MAP3K19: variants seen among roughly 807,000 people sequenced by gnomAD.
MAP3K19 encodes the protein SPS1/STE20-related protein kinase YSK4.
MAP3K19 carries 91 observed loss-of-function variants against 114.4 expected under a neutral mutation model. The ratio of observed to expected loss-of-function variants is 0.80; its 90% CI spans 0.67 to 0.95. The LOEUF (loss-of-function observed/expected upper bound fraction) is 0.95, where lower values mean the gene tolerates loss of function less well. MAP3K19 is among the 40% of genes least tolerant of loss of function. MAP3K19 has a pLI of 0.00. For missense variants in MAP3K19, 1,471 were observed against 1,573.2 expected (o/e 0.94, Z 1.10); for synonymous variants, 518 against 530.5 (o/e 0.98, Z 0.32).
intron 11 of MAP3K19, among the ~76,000 whole-genome samples, chr2:134,982,570 G>C (rs920803274): frequency 6.6e-6 from 1 of 151,660 alleles, no homozygotes; most frequent in Admixed American, 6.6e-5. Flanking sequence ...GTCTAGTCTC[G>C]AACTCCTGAC....
chr2:134,983,760 C>T lies in MAP3K19; in HGVS notation c.3138G>A (p.Lys1046=). Residue 1046 remains lysine (K), a synonymous_variant, in exon 11 of 13, where the codon AAG becomes AAA. Coordinates refer to ENST00000392915, the MANE Select transcript of MAP3K19 (RefSeq NM_025052.5). The part of the protein sequence containing the change: ...EEKFLISNEK[K]IFSENSLKSE... The stretch of plus-strand genomic sequence containing the variant: ...ACTTTAAACTATTTTCAGAAAATAT[C>T]TTCTTTTCATTTGAGATGAGAAATT... 4 of 1,606,580 alleles carry T rather than the reference C, an allele frequency of 2.5e-6. No homozygotes were observed. The highest frequency in any genetic ancestry group is 3.4e-6 in the Non-Finnish European group (4 of 1,176,110).
intron 8 of MAP3K19, among the ~76,000 whole-genome samples, chr2:134,994,655 GA>G (rs1685855110): frequency 6.6e-6 from 1 of 152,204 alleles, no homozygotes; most frequent in Admixed American, 6.5e-5. Flanking sequence ...TCTCTCTGGG[GA>G]AAACTAGCTG....
chr2:135,028,462 T>TG (rs1255467513), intron 3 of MAP3K19, among the ~76,000 whole-genome samples: 2 of 150,364 alleles, frequency 1.3e-5, no homozygotes, highest in African/African-American at 2.5e-5. Flanking sequence ...GAGGCTGAGG[T>TG]GGGAGGATCA....
intron 8 of MAP3K19, among the ~76,000 whole-genome samples, chr2:134,997,834 T>TAAAAAA (rs1414966736): frequency 8.1e-6 from 1 of 124,082 alleles, no homozygotes; most frequent in African/African-American, 3.1e-5. Context: ...AAAAAAACTT[T>TAAAAAA]AAGCACTGCT....
chr2:134,991,427 C>G, intron 9 of MAP3K19, 110 bp downstream of exon 9: 3 of 901,664 alleles, frequency 3.3e-6, no homozygotes, highest in Non-Finnish European at 5.6e-6. Flanking sequence ...TGACCCTACC[C>G]CCTGCATTGT....
chr2:134,968,625 T>A (rs1269853220), intron 12 of MAP3K19, among the ~76,000 whole-genome samples: 2 of 146,000 alleles, frequency 1.4e-5, no homozygotes, highest in African/African-American at 2.6e-5. Context: ...GTCTCCTCAC[T>A]TCTCAGACGG....
chr2:135,003,716 G>C (rs567277008), intron 6 of MAP3K19, among the ~76,000 whole-genome samples: 9 of 151,990 alleles, frequency 5.9e-5, no homozygotes, highest in Non-Finnish European at 8.8e-5. Context: ...CACCACACCC[G>C]GCTAATTTTG....
intron 8 of MAP3K19, among the ~76,000 whole-genome samples, chr2:134,998,185 A>C (rs933739940): frequency 2.0e-5 from 3 of 152,206 alleles, no homozygotes; most frequent in African/African-American, 7.2e-5. Context: ...AGGCTAACGT[A>C]GACTCAAGTC....
At chr2:135,018,824 C>A (rs1021045349) in intron 5 of MAP3K19, among the ~76,000 whole-genome samples, 1 of 152,164 alleles carries the variant, frequency 6.6e-6, no homozygotes, top group Non-Finnish European at 1.5e-5. Flanking sequence ...GCGGCTCACA[C>A]TTATAACCCC....
intron 8 of MAP3K19, among the ~76,000 whole-genome samples, chr2:134,993,922 A>T (rs1573970675): frequency 6.6e-6 from 1 of 152,312 alleles, no homozygotes; most frequent in East Asian, 1.9e-4. Flanking sequence ...GTGGTGGAGG[A>T]TCACTTAAGC....
At chr2:135,042,533 TA>T (rs1378282160) in intron 1 of MAP3K19, among the ~76,000 whole-genome samples, 1 of 147,218 alleles carries the variant, frequency 6.8e-6, no homozygotes, top group Non-Finnish European at 1.5e-5. Flanking sequence ...AAAAGAAAAT[TA>T]AAAAGAAAAA....
intron 6 of MAP3K19, among the ~76,000 whole-genome samples, chr2:135,005,180 G>T (rs1686726973): frequency 6.6e-6 from 1 of 151,990 alleles, no homozygotes; most frequent in Non-Finnish European, 1.5e-5. Context: ...TAAGCTCAGG[G>T]GTACAAGTGC....
Position 134,985,783 on chromosome 2 carries a change from A to T in MAP3K19, c.3072+17T>A. 6.4e-7 allele frequency: 1 copy of T among 1,567,816 alleles called. No homozygotes were observed. The highest frequency in any genetic ancestry group is 8.6e-7 in the Non-Finnish European group (1 of 1,159,698). ...TCCTTCCCACCCCAATGAATCTTGGATTCTAATTATACCAACCTGTATTTT... is the reference window on the plus strand; with the variant it reads ...TCCTTCCCACCCCAATGAATCTTGGTTTCTAATTATACCAACCTGTATTTT... On this transcript the variant is annotated intron_variant, in intron 10 of 12. Transcript: ENST00000392915.
intron 12 of MAP3K19, among the ~76,000 whole-genome samples, chr2:134,979,448 G>A (rs904136744): frequency 6.6e-5 from 3 of 45,338 alleles, no homozygotes; most frequent in East Asian, 2.1e-3. Context: ...TGCTTCGTGT[G>A]TGTGTGTGTG....
At position 135,008,357 on chromosome 2, in the gene MAP3K19, G is replaced by A. The variant is rs1011403745; in HGVS notation, c.139-2826C>T. ...AGGCTGGTCTCAAACTTCTGACCTC[G>A]TGATCTGCCTGCCTCGGCCTCCCAA... On this transcript the variant is annotated intron_variant, in intron 5 of 12. Transcript: ENST00000392915. 6.8e-4 allele frequency among the ~76,000 whole-genome samples: 103 copies of A among 152,292 alleles called. 1 individual carries two copies. The highest frequency in any genetic ancestry group is 2.1e-3 in the African/African-American group (88 of 41,576).
At chr2:135,005,634 G>T in intron 5 of MAP3K19, 103 bp from the exon 6 acceptor site, 1 of 816,482 alleles carries the variant, frequency 1.2e-6, no homozygotes, top group Non-Finnish European at 2.0e-6. Flanking sequence ...TTACACCATG[G>T]ATTCCTTTTA....
In MAP3K19 at chr2:135,022,810, A is replaced by C. The variant is rs1463486900; in HGVS notation, c.23-980T>G. On this transcript the variant is annotated intron_variant, in intron 4 of 12. Transcript: ENST00000392915. Reference sequence around the variant, plus strand: ...TGGTTTGTGGTAGGCAAAGTTGCTAAGTGAAACCCTAATGATAAGCTGGAA... The same window carrying C: ...TGGTTTGTGGTAGGCAAAGTTGCTACGTGAAACCCTAATGATAAGCTGGAA... Among the ~76,000 whole-genome samples, 17 of 152,348 alleles carry C rather than the reference A, an allele frequency of 1.1e-4. No homozygotes were observed. The South Asian group carries it at 3.3e-3, about 30-fold the overall frequency.
intron 12 of MAP3K19, among the ~76,000 whole-genome samples, chr2:134,970,771 G>A (rs1382299896): frequency 6.6e-6 from 1 of 151,860 alleles, no homozygotes; most frequent in East Asian, 1.9e-4. Flanking sequence ...CTAATTTTTT[G>A]TATTTTTAGT....
In MAP3K19 at chr2:134,991,433, A is replaced by G. The variant is rs1685567659; in HGVS notation, c.618+104T>C. Reference sequence around the variant, plus strand: ...GGACATCAGTGACCCTACCCCCTGCATTGTTGAAGGGTCAAGTGTAATTGC... The same window carrying G: ...GGACATCAGTGACCCTACCCCCTGCGTTGTTGAAGGGTCAAGTGTAATTGC... On this transcript the variant is annotated intron_variant, in intron 9 of 12. Transcript: ENST00000392915. The G allele has an allele frequency of 5.2e-6, 5 of 965,212 alleles. No homozygotes were observed. The South Asian group carries it at 6.5e-5, about 13-fold the overall frequency. 59.8% of individuals were successfully genotyped at this position (965,212 alleles called of 1,614,324 possible). A position where few individuals can be genotyped will look rare whatever the true frequency, so the allele number is the denominator to read the frequency against.
Sources: gnomAD v4.1 joint callset for allele counts (sites outside exome capture counted in the v4.1 genomes callset) on GRCh38, gnomAD v4.1.1 for gene constraint, MANE v1.5 for transcripts, NCBI Gene and HGNC (gene_info 2026-07-23, HGNC 2026-07-21) for gene names.